The following DSCAML1 variants were observed in gnomAD, a reference collection of about 807,000 sequenced individuals.
DSCAML1 encodes the protein cell adhesion molecule DSCAML1.
DSCAML1 carries 38 observed loss-of-function variants against 200.5 expected under a neutral mutation model. That is an observed-to-expected ratio of 0.19 (90% CI 0.15 to 0.25). The LOEUF is 0.25. Ranked by LOEUF, DSCAML1 falls within the 10% of genes least tolerant of loss-of-function variation. The pLI, the probability that DSCAML1 is intolerant of heterozygous loss-of-function variation, is 1.00. For missense variants in DSCAML1, 2,223 were observed against 2,858.8 expected (o/e 0.78, Z 5.07); for synonymous variants, 1,215 against 1,165.0 (o/e 1.04, Z -0.87).
intron 32 of DSCAML1, among the ~76,000 whole-genome samples, chr11:117,429,422 G>A (rs950576282): frequency 6.6e-6 from 1 of 151,596 alleles, no homozygotes; most frequent in African/African-American, 2.4e-5. Flanking sequence ...CTTTTTTTTT[G>A]AGACGGAGTC....
At chr11:117,535,682 C>A (rs1222047179) in intron 3 of DSCAML1, among the ~76,000 whole-genome samples, 1 of 152,130 alleles carries the variant, frequency 6.6e-6, no homozygotes, top group Non-Finnish European at 1.5e-5. Flanking sequence ...GTAACTGGGA[C>A]TGGAATGCAG....
chr11:117,776,692 G>T, intron 3 of DSCAML1, 99 bp downstream of exon 3: 2 of 1,430,666 alleles, frequency 1.4e-6, no homozygotes, highest in East Asian at 2.3e-5. Flanking sequence ...CCAACCTCAA[G>T]ATCTTATTGA....
chr11:117,658,651 A>G (rs1291193487), intron 3 of DSCAML1, among the ~76,000 whole-genome samples: 1 of 152,220 alleles, frequency 6.6e-6, no homozygotes, highest in African/African-American at 2.4e-5. Flanking sequence ...TGGACCAACA[A>G]AAGGTTAACA....
At chr11:117,554,720 C>T (rs1159105827) in intron 3 of DSCAML1, among the ~76,000 whole-genome samples, 2 of 152,084 alleles carry the variant, frequency 1.3e-5, no homozygotes. Flanking sequence ...TTTTTTCCTG[C>T]TGGAAAGTGA....
chr11:117,642,201 C>T lies in DSCAML1; in HGVS notation c.512-109679G>A, dbSNP rs577136250. 2.6e-5 allele frequency among the ~76,000 whole-genome samples: 4 copies of T among 152,308 alleles called. No individual in the cohort carries two copies. Among genetic ancestry groups the T allele is most frequent in the South Asian group, 2.1e-4 (1 of 4,822 alleles). On this transcript the variant is annotated intron_variant, in intron 3 of 32. Transcript: ENST00000651296. This position sits in a 1 kb window ranked among gnomAD's most constrained non-coding sequence, Gnocchi z 4.1. ...GCAGACGGCATGACTTAGGCTCCTG[C>T]GGTATCTGAGTCTCTAGCCCACTTT...
chr11:117,751,795 C>T (rs889934860), intron 3 of DSCAML1, among the ~76,000 whole-genome samples: 1 of 152,154 alleles, frequency 6.6e-6, no homozygotes, highest in Non-Finnish European at 1.5e-5. Flanking sequence ...GATATTGACC[C>T]AGGGCCTTGG....
intron 3 of DSCAML1, among the ~76,000 whole-genome samples, chr11:117,700,076 T>C (rs1318259042): frequency 6.6e-6 from 1 of 152,196 alleles, no homozygotes; most frequent in Non-Finnish European, 1.5e-5. Context: ...CTTCATCTTT[T>C]GGGAGCTCAC....
intron 3 of DSCAML1, among the ~76,000 whole-genome samples, chr11:117,548,525 C>T (rs373820943): frequency 3.3e-5 from 5 of 152,238 alleles, no homozygotes; most frequent in African/African-American, 9.6e-5. Context: ...CGGCTCCCAC[C>T]GTTGGGCCAC....
At chr11:117,816,114 C>T (rs1939976) in intron 1 of DSCAML1, among the ~76,000 whole-genome samples, 13,474 of 152,204 alleles carry the variant, frequency 0.089, 712 homozygotes, top group Middle Eastern at 0.14. Flanking sequence ...CTTCCCAAGT[C>T]CTCAGTCACT....
At position 117,518,408 on chromosome 11, in the gene DSCAML1, C is replaced by T; in HGVS notation, c.1510+58G>A. 6.2e-7 allele frequency: 1 copy of T among 1,604,758 alleles called. No individual in the cohort carries two copies. Among genetic ancestry groups the T allele is most frequent in the East Asian group, 2.2e-5 (1 of 44,864 alleles). On this transcript the variant is annotated intron_variant, in intron 7 of 32. Transcript: ENST00000651296. This position sits in a 1 kb window ranked among gnomAD's most constrained non-coding sequence, Gnocchi z 6.3. ...TAATCAGCACAAGAATAATGGTAAC[C>T]ACAGAGATGGCAAAGGAACTCAAAA...
At position 117,439,565 on chromosome 11, in the gene DSCAML1, C is replaced by A; in HGVS notation, c.3981-136G>T. 3.3e-6 allele frequency: 4 copies of A among 1,194,108 alleles called. No individual in the cohort carries two copies. The South Asian group carries it at 5.9e-5, about 18-fold the overall frequency. The allele number at this position is 1,194,108 out of a possible 1,614,324, so 74.0% of individuals were successfully genotyped here. On this transcript the variant is annotated intron_variant, in intron 22 of 32. Transcript: ENST00000651296. Reference sequence around the variant, plus strand: ...GGAACGCCGGGTTCTTGGGGCTTTGCTCAGCACTCCCTGGGGGTATGAGGT... The same window carrying A: ...GGAACGCCGGGTTCTTGGGGCTTTGATCAGCACTCCCTGGGGGTATGAGGT...
chr11:117,687,350 T>C (rs2053417587), intron 3 of DSCAML1, among the ~76,000 whole-genome samples: 1 of 151,582 alleles, frequency 6.6e-6, no homozygotes, highest in African/African-American at 2.4e-5. Flanking sequence ...AGCTTCGAAC[T>C]CCTGAGCTCA....
intron 3 of DSCAML1, among the ~76,000 whole-genome samples, chr11:117,667,439 A>C (rs1831403834): frequency 6.6e-6 from 1 of 152,172 alleles, no homozygotes; most frequent in Non-Finnish European, 1.5e-5. Flanking sequence ...CAACATTGGT[A>C]ATGGTTCTGC....
chr11:117,768,374 T>G (rs2054936667), intron 3 of DSCAML1, among the ~76,000 whole-genome samples: 1 of 152,192 alleles, frequency 6.6e-6, no homozygotes, highest in South Asian at 2.1e-4. Context: ...TGCACAGTCC[T>G]TTGTAGCTTT....
intron 3 of DSCAML1, among the ~76,000 whole-genome samples, chr11:117,759,091 C>G (rs2054751846): frequency 6.6e-6 from 1 of 152,198 alleles, no homozygotes; most frequent in African/African-American, 2.4e-5. Flanking sequence ...TACAAATCCA[C>G]CCTGTTGAGA....
At chr11:117,540,550 GT>G (rs2050249109) in intron 3 of DSCAML1, among the ~76,000 whole-genome samples, 1 of 151,992 alleles carries the variant, frequency 6.6e-6, no homozygotes, top group Non-Finnish European at 1.5e-5. Context: ...TAAATTTTAT[GT>G]TATGTATATT....
chr11:117,491,800 A>AT (rs2049187718), intron 11 of DSCAML1, among the ~76,000 whole-genome samples: 2 of 152,268 alleles, frequency 1.3e-5, no homozygotes, highest in South Asian at 4.1e-4. Context: ...AAAAAACCCC[A>AT]TGAATATCAG....
rs1056242678 is a variant in DSCAML1 at position 117,516,051 on chromosome 11, G to A, written c.1783+416C>T. ...CCCACAGGGGGTCAGGGCTCCCAGCGTGCTCTGTCAACCCTGGCCTCCTGT... is the reference window on the plus strand; with the variant it reads ...CCCACAGGGGGTCAGGGCTCCCAGCATGCTCTGTCAACCCTGGCCTCCTGT... On this transcript the variant is annotated intron_variant, in intron 8 of 32. Coordinates refer to ENST00000651296, the MANE Select transcript of DSCAML1 (RefSeq NM_020693.4). The surrounding 1 kb of genome is among the most constrained non-coding windows in gnomAD (Gnocchi z 5.7). Among the ~76,000 whole-genome samples the A allele has an allele frequency of 1.3e-5, 2 of 152,160 alleles. No homozygotes were observed. Among genetic ancestry groups the A allele is most frequent in the African/African-American group, 4.8e-5 (2 of 41,434 alleles).
intron 3 of DSCAML1, among the ~76,000 whole-genome samples, chr11:117,695,774 C>T (rs781374512): frequency 2.0e-5 from 3 of 152,138 alleles, no homozygotes; most frequent in Non-Finnish European, 2.9e-5. Flanking sequence ...TGCCATGAGC[C>T]TCGATTTAAA....
Sources: gnomAD v4.1 joint callset for allele counts (sites outside exome capture counted in the v4.1 genomes callset) on GRCh38, gnomAD v4.1.1 for gene constraint, Gnocchi (gnomAD v3.1) non-coding constraint, MANE v1.5 for transcripts, NCBI Gene and HGNC (gene_info 2026-07-23, HGNC 2026-07-21) for gene names.